The following CYSTM1 variants were observed in gnomAD, a reference collection of about 807,000 sequenced individuals.
CYSTM1 encodes cysteine rich transmembrane module containing 1.
Under a neutral mutation model 13.1 loss-of-function variants are expected in CYSTM1, and 4 were observed. The observed-to-expected ratio is 0.31, with a 90% CI of 0.15 to 0.70. The LOEUF is 0.70. CYSTM1 is among the 30% of genes least tolerant of loss of function. The pLI, the probability that CYSTM1 is intolerant of heterozygous loss-of-function variation, is 0.72. For missense variants in CYSTM1, 96 were observed against 121.6 expected (o/e 0.79, Z 0.99); for synonymous variants, 36 against 42.7 (o/e 0.84, Z 0.62).
At chr5:140,214,475 A>G (rs941949718) in intron 2 of CYSTM1, among the ~76,000 whole-genome samples, 2 of 152,166 alleles carry the variant, frequency 1.3e-5, no homozygotes, top group Non-Finnish European at 2.9e-5. Context: ...GAGGGCTGAG[A>G]GCAGGCTGGG....
At chr5:140,194,786 C>A in intron 2 of CYSTM1, 134 bp downstream of exon 2, 2 of 1,129,426 alleles carry the variant, frequency 1.8e-6, no homozygotes, top group Non-Finnish European at 2.5e-6. Context: ...TTGATGATGG[C>A]TTAGGGTGGA....
At chr5:140,184,936 A>ATGGTATGACTT (rs1245567296) in intron 1 of CYSTM1, among the ~76,000 whole-genome samples, 2 of 152,226 alleles carry the variant, frequency 1.3e-5, no homozygotes, top group Non-Finnish European at 2.9e-5. Flanking sequence ...TAATGTAGGT[A>ATGGTATGACTT]TGGTATGACT....
intron 2 of CYSTM1, among the ~76,000 whole-genome samples, chr5:140,195,036 C>A (rs1230853503): frequency 2.0e-5 from 3 of 152,214 alleles, no homozygotes; most frequent in African/African-American, 7.2e-5. Context: ...CTCAAGTCAT[C>A]CTCTTGCCCC....
chr5:140,226,611 TAA>T lies in CYSTM1; in HGVS notation c.188-16690_188-16689del, dbSNP rs34263048. Among the ~76,000 whole-genome samples, 974 of 101,712 alleles carry T rather than the reference TAA, an allele frequency of 9.6e-3. 9 individuals carry two copies. Among genetic ancestry groups the T allele is most frequent in the East Asian group, 0.013 (52 of 4,150 alleles). 66.7% of individuals were successfully genotyped at this position (101,712 alleles called of 152,430 possible). A position where few individuals can be genotyped will look rare whatever the true frequency, so the allele number is the denominator to read the frequency against. On this transcript the variant is annotated intron_variant, in intron 2 of 2. Transcript: ENST00000261811. Reference sequence around the variant, plus strand: ...TTATATATATATATATATATATATATAAAAATTAGCCAGATGTGATGGCGCAT... The same window carrying T: ...TTATATATATATATATATATATATATAAATTAGCCAGATGTGATGGCGCAT...
intron 2 of CYSTM1, among the ~76,000 whole-genome samples, chr5:140,204,561 CA>C (rs1322947741): frequency 6.6e-6 from 1 of 151,694 alleles, no homozygotes; most frequent in Non-Finnish European, 1.5e-5. Context: ...AAAAAACCAC[CA>C]AAAAATTATA....
In CYSTM1 at chr5:140,194,478, A is replaced by T; in HGVS notation, c.13A>T (p.Asn5Tyr). The T allele has an allele frequency of 1.9e-6, 3 of 1,591,774 alleles. No individual in the cohort carries two copies. The highest frequency in any genetic ancestry group is 2.6e-6 in the Non-Finnish European group (3 of 1,173,678). Residue 5 changes from asparagine (N) to tyrosine (Y), a missense_variant, in exon 2 of 3, where the codon AAC becomes TAC. Asn to Tyr is a moderately radical substitution (Grantham distance 143, BLOSUM62 -2). Coordinates refer to ENST00000261811, the MANE Select transcript of CYSTM1 (RefSeq NM_032412.4). MNQE[N>Y]PPPYPGPGPT... is the part of the protein sequence containing the mutation. ...TTACAGGTCCCCGATGAACCAAGAG[A>T]ACCCTCCACCATATCCAGGCCCTGG... is the stretch of plus-strand genomic sequence containing the variant.
intron 2 of CYSTM1, among the ~76,000 whole-genome samples, chr5:140,215,475 T>A (rs1475416512): frequency 6.6e-6 from 1 of 151,908 alleles, no homozygotes; most frequent in Non-Finnish European, 1.5e-5. Flanking sequence ...AGGCTGCAGT[T>A]CCTGTTCCTG....
chr5:140,214,878 G>A (rs1764409530), intron 2 of CYSTM1, among the ~76,000 whole-genome samples: 1 of 152,216 alleles, frequency 6.6e-6, no homozygotes, highest in African/African-American at 2.4e-5. Flanking sequence ...TAGGTCATTG[G>A]TGTGGGGACC....
Position 140,224,704 on chromosome 5 carries a change from A to G in CYSTM1, c.188-18601A>G, listed in dbSNP as rs1581070423. On this transcript the variant is annotated intron_variant, in intron 2 of 2. Transcript: ENST00000261811. ...CTCAGCTACTTAAAAATTTTTTTGT[A>G]GAGATGGAGTCTCACTTTATTGCCC... 2.0e-5 allele frequency among the ~76,000 whole-genome samples: 3 copies of G among 152,096 alleles called. No individual in the cohort carries two copies. In the East Asian group the frequency reaches 5.8e-4, roughly 30 times the overall value.
intron 2 of CYSTM1, among the ~76,000 whole-genome samples, chr5:140,218,457 T>C (rs543946512): frequency 6.6e-6 from 1 of 152,346 alleles, no homozygotes; most frequent in South Asian, 2.1e-4. Context: ...CACTGGCCTA[T>C]GTGGATTAAC....
chr5:140,178,447 T>TG, intron 1 of CYSTM1, among the ~76,000 whole-genome samples: 1 of 141,998 alleles, frequency 7.0e-6, no homozygotes, highest in Non-Finnish European at 1.5e-5. Context: ...CTTCCTTTTT[T>TG]TTTTTTTTTT....
chr5:140,233,863 T>TA (rs1179951654), intron 2 of CYSTM1, among the ~76,000 whole-genome samples: 1 of 152,226 alleles, frequency 6.6e-6, no homozygotes, highest in African/African-American at 2.4e-5. Flanking sequence ...ATATTTTAGA[T>TA]ACAAGTCCTC....
intron 2 of CYSTM1, among the ~76,000 whole-genome samples, chr5:140,226,625 A>C (rs1449892732): frequency 1.1e-5 from 1 of 94,194 alleles, no homozygotes; most frequent in South Asian, 5.0e-4. Flanking sequence ...AATTAGCCAG[A>C]TGTGATGGCG....
At chr5:140,192,276 T>C (rs771011681) in intron 1 of CYSTM1, among the ~76,000 whole-genome samples, 2 of 152,202 alleles carry the variant, frequency 1.3e-5, no homozygotes, top group Non-Finnish European at 2.9e-5. Context: ...TCCTTATGTT[T>C]GTTTCAGCCA....
chr5:140,200,555 G>A (rs1172705138), intron 2 of CYSTM1: 2 of 103,268 alleles, frequency 1.9e-5, no homozygotes, highest in Non-Finnish European at 3.9e-5. Context: ...CTTCCCCCCG[G>A]CCTTTTTTTT....
chr5:140,236,369 G>A (rs935612334), intron 2 of CYSTM1, among the ~76,000 whole-genome samples: 2 of 152,204 alleles, frequency 1.3e-5, no homozygotes, highest in African/African-American at 4.8e-5. Context: ...GCAAGACCAA[G>A]CTTTGTACAT....
At chr5:140,202,746 GAA>G (rs1764248193) in intron 2 of CYSTM1, 1 of 152,216 alleles carries the variant, frequency 6.6e-6, no homozygotes, top group Non-Finnish European at 1.5e-5. Flanking sequence ...TTAGAAGGGA[GAA>G]AGGGGTGGGA....
chr5:140,186,588 C>T (rs1210286043), intron 1 of CYSTM1, among the ~76,000 whole-genome samples: 1 of 152,180 alleles, frequency 6.6e-6, no homozygotes, highest in East Asian at 1.9e-4. Flanking sequence ...GCTCTGCTTC[C>T]TCTATCTTCG....
At chr5:140,218,957 T>C (rs1274733049) in intron 2 of CYSTM1, among the ~76,000 whole-genome samples, 1 of 152,190 alleles carries the variant, frequency 6.6e-6, no homozygotes, top group Non-Finnish European at 1.5e-5. Context: ...CAACCTTACT[T>C]AGTTTTCCAC....
Sources: allele counts gnomAD v4.1 joint callset (sites outside exome capture counted in the v4.1 genomes callset), GRCh38; gene constraint gnomAD v4.1.1; transcripts MANE v1.5; gene names NCBI Gene and HGNC (gene_info 2026-07-23, HGNC 2026-07-21).